Variants in UHRF2 observed in about 807,000 individuals in gnomAD.
UHRF2 encodes ubiquitin like with PHD and ring finger domains 2.
UHRF2 carries 23 observed loss-of-function variants against 96.8 expected under a neutral mutation model. The ratio of observed to expected loss-of-function variants is 0.24; its 90% CI spans 0.17 to 0.34. The LOEUF (loss-of-function observed/expected upper bound fraction) is 0.34, where lower values mean the gene tolerates loss of function less well. Among genes scored for constraint, UHRF2 ranks in the 10% least tolerant of loss-of-function variants. The pLI, the probability that UHRF2 is intolerant of heterozygous loss-of-function variation, is 1.00. For missense variants in UHRF2, 685 were observed against 981.5 expected (o/e 0.70, Z 4.04); for synonymous variants, 385 against 332.6 (o/e 1.16, Z -1.72).
chr9:6,446,970 G>A (rs960587680), intron 3 of UHRF2, among the ~76,000 whole-genome samples: 1 of 152,046 alleles, frequency 6.6e-6, no homozygotes, highest in Non-Finnish European at 1.5e-5. Context: ...CTCACTGCAA[G>A]CTCCGCCTCC....
In UHRF2 at chr9:6,506,557, G is replaced by A. The variant is rs1816594230; in HGVS notation, c.*378G>A. 6.3e-6 allele frequency: 1 copy of A among 159,140 alleles called. No individual in the cohort carries two copies. The highest frequency in any genetic ancestry group is 2.4e-5 in the African/African-American group (1 of 41,648). The allele number at this position is 159,140 out of a possible 1,614,324, so 9.9% of individuals were successfully genotyped here. On this transcript the variant is annotated 3_prime_UTR_variant, in exon 16 of 16. Coordinates refer to ENST00000276893, the MANE Select transcript of UHRF2 (RefSeq NM_152896.3). Reference sequence around the variant, plus strand: ...ACACTGCCTCCCAAATATTAGTTGTGCCTGGTTCTTGTAATTTGATTTTAC... The same window carrying A: ...ACACTGCCTCCCAAATATTAGTTGTACCTGGTTCTTGTAATTTGATTTTAC...
chr9:6,476,714 CCT>C (rs1478370600), intron 5 of UHRF2, among the ~76,000 whole-genome samples: 2 of 152,054 alleles, frequency 1.3e-5, no homozygotes, highest in Non-Finnish European at 2.9e-5. Flanking sequence ...CCTGCCTTAG[CCT>C]CTCGAGTAGC....
chr9:6,425,715 A>G (rs758837581), intron 2 of UHRF2, among the ~76,000 whole-genome samples: 1 of 152,160 alleles, frequency 6.6e-6, no homozygotes, highest in East Asian at 1.9e-4. Context: ...GGGAGCCGAG[A>G]TCGCGCCACT....
intron 6 of UHRF2, 84 bp from the exon 7 acceptor site, chr9:6,481,559 C>T: frequency 6.6e-7 from 1 of 1,503,852 alleles, no homozygotes. Context: ...TTAAAACTTG[C>T]TCTTACCTAG....
intron 6 of UHRF2, among the ~76,000 whole-genome samples, chr9:6,479,417 C>G (rs944962044): frequency 1.3e-5 from 2 of 152,108 alleles, no homozygotes; most frequent in Non-Finnish European, 2.9e-5. Context: ...TTCTTAGTCT[C>G]TTGTTGGGTT....
chr9:6,433,805 C>T (rs1156534109), intron 2 of UHRF2, 109 bp from the exon 3 acceptor site: 38 of 1,119,954 alleles, frequency 3.4e-5, no homozygotes, highest in Non-Finnish European at 4.7e-5. Flanking sequence ...ACATGAGTAG[C>T]TGCAAATATT....
At position 6,491,959 on chromosome 9, in the gene UHRF2, C is replaced by T. The variant is rs1032958330; in HGVS notation, c.1498-1867C>T. On this transcript the variant is annotated intron_variant, in intron 9 of 15. Transcript: ENST00000276893. ...TGTCACCCAGGCTGGTCTTGAACTC[C>T]TGGGCTCAAGCAGGCCAACTGCTTT... Among the ~76,000 whole-genome samples, 3 of 152,266 alleles carry T rather than the reference C, an allele frequency of 2.0e-5. No homozygotes were observed. The South Asian group carries it at 6.2e-4, about 32-fold the overall frequency.
chr9:6,500,688 T>C lies in UHRF2; in HGVS notation c.2142T>C (p.Leu714=). The C allele has an allele frequency of 6.2e-7, 1 of 1,612,802 alleles. No homozygotes were observed. The change falls in exon 14 of 16, where the codon CTT becomes CTC. Residue 714 remains leucine, a synonymous_variant. Transcript: ENST00000276893. ...CQNQKLWDEV[L]SHLVEGPNFL... is the part of the protein sequence containing the mutation. ...ACCAGAAGCTGTGGGATGAAGTGCTTTCACATCTTGTGGAAGGACCAGTAT... is the reference window on the plus strand; with the variant it reads ...ACCAGAAGCTGTGGGATGAAGTGCTCTCACATCTTGTGGAAGGACCAGTAT...
At chr9:6,501,275 A>G (rs1816276666) in intron 14 of UHRF2, among the ~76,000 whole-genome samples, 1 of 152,214 alleles carries the variant, frequency 6.6e-6, no homozygotes, top group Admixed American at 6.5e-5. Flanking sequence ...TCAAATCCCT[A>G]AAGTTGGAGT....
rs1038338467 is a variant in UHRF2 at position 6,500,786 on chromosome 9, T to G, written c.2163+77T>G. 4 of 1,378,590 alleles carry G rather than the reference T, an allele frequency of 2.9e-6. No homozygotes were observed. The African/African-American group carries it at 5.9e-5, about 20-fold the overall frequency. The allele number at this position is 1,378,590 out of a possible 1,614,324, so 85.4% of individuals were successfully genotyped here. ...ATAATTGTCTCATGAAGTCTGTTTT[T>G]CACACATCAGTCAAAACTTCATCCT... On this transcript the variant is annotated intron_variant, in intron 14 of 15. Transcript: ENST00000276893.
At chr9:6,427,641 C>T (rs188080258) in intron 2 of UHRF2, among the ~76,000 whole-genome samples, 105 of 152,200 alleles carry the variant, frequency 6.9e-4, no homozygotes, top group East Asian at 2.9e-3. Context: ...GCTTAGACCG[C>T]GCCACTGCAC....
intron 2 of UHRF2, among the ~76,000 whole-genome samples, chr9:6,426,147 C>G (rs915943509): frequency 2.0e-5 from 3 of 152,202 alleles, no homozygotes; most frequent in Admixed American, 6.5e-5. Flanking sequence ...TCTTCCCTCC[C>G]CAATCGAATT....
At chr9:6,453,584 G>A (rs775894893) in intron 3 of UHRF2, among the ~76,000 whole-genome samples, 1 of 152,130 alleles carries the variant, frequency 6.6e-6, no homozygotes, top group East Asian at 1.9e-4. Flanking sequence ...TGACCAAACC[G>A]TTGTGAAACA....
intron 3 of UHRF2, among the ~76,000 whole-genome samples, chr9:6,439,029 T>G (rs1363804211): frequency 6.6e-6 from 1 of 152,232 alleles, no homozygotes; most frequent in African/African-American, 2.4e-5. Context: ...GTTTCCTAAT[T>G]TATCTCCACT....
At chr9:6,455,510 T>C (rs1285402345) in intron 3 of UHRF2, among the ~76,000 whole-genome samples, 1 of 152,212 alleles carries the variant, frequency 6.6e-6, no homozygotes, top group African/African-American at 2.4e-5. Context: ...GGTGTATATA[T>C]GCCACATTTT....
chr9:6,455,769 C>A (rs2130831739), intron 3 of UHRF2, among the ~76,000 whole-genome samples: 1 of 122,948 alleles, frequency 8.1e-6, no homozygotes, highest in Middle Eastern at 3.7e-3. Flanking sequence ...AGAATTGCTT[C>A]AGCCCTGGAG....
intron 11 of UHRF2, among the ~76,000 whole-genome samples, 161 bp from the exon 12 acceptor site, chr9:6,497,857 C>G (rs1825063828): frequency 6.6e-6 from 1 of 152,136 alleles, no homozygotes; most frequent in African/African-American, 2.4e-5. Context: ...GAATTAAGGT[C>G]AAAACTGTTT....
At chr9:6,458,577 T>G (rs1432441173) in intron 3 of UHRF2, among the ~76,000 whole-genome samples, 1 of 152,146 alleles carries the variant, frequency 6.6e-6, no homozygotes, top group Non-Finnish European at 1.5e-5. Flanking sequence ...GTTCTTTTAA[T>G]GGTGGAGAGG....
At chr9:6,448,650 G>A (rs557195182) in intron 3 of UHRF2, among the ~76,000 whole-genome samples, 211 of 152,322 alleles carry the variant, frequency 1.4e-3, no homozygotes, top group African/African-American at 4.8e-3. Context: ...ACTGTATTTG[G>A]TGGATGTTAA....
Sources: gnomAD v4.1 joint callset for allele counts (sites outside exome capture counted in the v4.1 genomes callset) on GRCh38, gnomAD v4.1.1 for gene constraint, MANE v1.5 for transcripts, NCBI Gene and HGNC (gene_info 2026-07-23, HGNC 2026-07-21) for gene names.